CADM2: variants seen among roughly 807,000 people sequenced by gnomAD.
CADM2 encodes cell adhesion molecule 2.
In CADM2, 12 loss-of-function variants were observed where a neutral mutation model predicts 49.8. That is an observed-to-expected ratio of 0.24 (90% CI 0.15 to 0.39). The LOEUF is 0.39. Among genes scored for constraint, CADM2 ranks in the 10% least tolerant of loss-of-function variants. The pLI, the probability that CADM2 is intolerant of heterozygous loss-of-function variation, is 1.00. For missense variants in CADM2, 378 were observed against 492.3 expected (o/e 0.77, Z 2.20); for synonymous variants, 214 against 175.4 (o/e 1.22, Z -1.74).
Position 85,188,758 on chromosome 3 carries a change from G to A in CADM2, c.61+229090G>A, listed in dbSNP as rs563721665. Among the ~76,000 whole-genome samples, 724 of 152,058 alleles carry A rather than the reference G, an allele frequency of 4.8e-3. 7 individuals are homozygous for A. The highest frequency in any genetic ancestry group is 0.017 in the African/African-American group (699 of 41,476). ...TTTAAAAATGAAGAGCAGGCCAGGC[G>A]CAGTGGCTCACACCTGTAATCCCAG... On this transcript the variant is annotated intron_variant, in intron 1 of 9. Coordinates refer to ENST00000383699, the MANE Select transcript of CADM2 (RefSeq NM_001167675.2).
chr3:85,105,762 C>T (rs2038197938), intron 1 of CADM2, among the ~76,000 whole-genome samples: 1 of 151,996 alleles, frequency 6.6e-6, no homozygotes, highest in South Asian at 2.1e-4. Context: ...TACTATGCAG[C>T]CATAAAAAAT....
intron 1 of CADM2, among the ~76,000 whole-genome samples, chr3:84,981,745 G>T (rs976549134): frequency 2.0e-5 from 3 of 151,614 alleles, no homozygotes; most frequent in Non-Finnish European, 4.4e-5. Context: ...TTTGTTGGAA[G>T]TATTAAATAT....
chr3:85,698,715 C>T (rs949511193), intron 1 of CADM2, among the ~76,000 whole-genome samples: 3 of 152,096 alleles, frequency 2.0e-5, no homozygotes, highest in Non-Finnish European at 4.4e-5. Flanking sequence ...CCATCACCTC[C>T]TACCATGCTC....
At chr3:85,158,036 G>C (rs2040195733) in intron 1 of CADM2, among the ~76,000 whole-genome samples, 1 of 152,146 alleles carries the variant, frequency 6.6e-6, no homozygotes, top group Admixed American at 6.5e-5. Flanking sequence ...CGAAGGACAT[G>C]AACAGACACT....
At chr3:85,807,905 T>C (rs1559672027) in intron 3 of CADM2, among the ~76,000 whole-genome samples, 1 of 152,186 alleles carries the variant, frequency 6.6e-6, no homozygotes, top group Non-Finnish European at 1.5e-5. Context: ...TTTTTACCAT[T>C]TAAATTGTAC....
chr3:85,576,082 T>C (rs185825645), intron 1 of CADM2, among the ~76,000 whole-genome samples: 6 of 152,322 alleles, frequency 3.9e-5, no homozygotes, highest in Non-Finnish European at 7.4e-5. Flanking sequence ...TGCATTTCTA[T>C]ATAGTGAATC....
At chr3:85,528,436 C>G (rs1231824037) in intron 1 of CADM2, among the ~76,000 whole-genome samples, 1 of 152,214 alleles carries the variant, frequency 6.6e-6, no homozygotes, top group Non-Finnish European at 1.5e-5. Flanking sequence ...AATCCCAGCT[C>G]TTTCAGCAAA....
chr3:86,045,261 T>G (rs1206815886), intron 8 of CADM2, among the ~76,000 whole-genome samples: 1 of 152,144 alleles, frequency 6.6e-6, no homozygotes, highest in African/African-American at 2.4e-5. Context: ...AATGTACTTA[T>G]TACCATGGGA....
intron 1 of CADM2, among the ~76,000 whole-genome samples, chr3:85,437,286 G>A (rs2107534383): frequency 6.6e-6 from 1 of 152,116 alleles, no homozygotes; most frequent in Middle Eastern, 3.4e-3. Flanking sequence ...TCTAAGTTTT[G>A]GCAATGATGA....
intron 1 of CADM2, among the ~76,000 whole-genome samples, chr3:85,710,174 A>G (rs2067074478): frequency 6.6e-6 from 1 of 152,078 alleles, no homozygotes; most frequent in African/African-American, 2.4e-5. Flanking sequence ...TTCTTATTAC[A>G]CCTTCATAGC....
intron 1 of CADM2, among the ~76,000 whole-genome samples, chr3:85,713,947 G>A (rs1394982562): frequency 6.6e-6 from 1 of 152,146 alleles, no homozygotes; most frequent in Non-Finnish European, 1.5e-5. Context: ...GTAGTACAGG[G>A]TATTTGATAC....
chr3:86,009,295 T>A (rs2324975), intron 8 of CADM2, among the ~76,000 whole-genome samples: 45,426 of 149,692 alleles, frequency 0.3, 8,209 homozygotes, highest in Admixed American at 0.39. Context: ...GTACCTACAA[T>A]GATGACATTA....
intron 3 of CADM2, among the ~76,000 whole-genome samples, chr3:85,842,488 A>G (rs535176873): frequency 1.1e-4 from 16 of 152,260 alleles, no homozygotes; most frequent in African/African-American, 3.8e-4. Flanking sequence ...CTAGACTTGG[A>G]TCAATGAGAC....
intron 1 of CADM2, among the ~76,000 whole-genome samples, chr3:85,300,239 G>A (rs1474551516): frequency 6.6e-6 from 1 of 152,046 alleles, no homozygotes; most frequent in Non-Finnish European, 1.5e-5. Context: ...GAGCAGAGCA[G>A]GTCTGGGAAG....
At chr3:85,667,924 A>T (rs1243349061) in intron 1 of CADM2, among the ~76,000 whole-genome samples, 1 of 152,086 alleles carries the variant, frequency 6.6e-6, no homozygotes, top group Non-Finnish European at 1.5e-5. Context: ...ACCTTGGTAA[A>T]TAATTATTGC....
intron 1 of CADM2, among the ~76,000 whole-genome samples, chr3:85,187,141 A>G (rs908206615): frequency 2.6e-5 from 4 of 152,184 alleles, no homozygotes; most frequent in Non-Finnish European, 5.9e-5. Flanking sequence ...ACATTGTTCA[A>G]TATCACACAG....
intron 1 of CADM2, among the ~76,000 whole-genome samples, chr3:84,970,096 T>C (rs2107084106): frequency 6.7e-6 from 1 of 148,764 alleles, no homozygotes; most frequent in Non-Finnish European, 1.5e-5. Context: ...AGAGGTTCTC[T>C]GATTAGTCCC....
intron 1 of CADM2, among the ~76,000 whole-genome samples, chr3:85,064,393 A>C (rs986163030): frequency 3.9e-5 from 6 of 152,086 alleles, no homozygotes; most frequent in African/African-American, 1.4e-4. Flanking sequence ...TAAATAATCT[A>C]CTTTTCCCTT....
intron 1 of CADM2, among the ~76,000 whole-genome samples, chr3:85,014,542 T>TATATC (rs1373602576): frequency 2.3e-4 from 35 of 152,294 alleles, no homozygotes; most frequent in African/African-American, 7.9e-4. Context: ...GGGTTTGGAA[T>TATATC]ATATCTTCCA....
Sources: allele counts gnomAD v4.1 joint callset (sites outside exome capture counted in the v4.1 genomes callset), GRCh38; gene constraint gnomAD v4.1.1; transcripts MANE v1.5; gene names NCBI Gene and HGNC (gene_info 2026-07-23, HGNC 2026-07-21).